ANKRD33B: variants seen among roughly 807,000 people sequenced by gnomAD.
ANKRD33B encodes the protein ankyrin repeat domain-containing protein 33B.
Under a neutral mutation model 21.5 loss-of-function variants are expected in ANKRD33B, and 6 were observed. The ratio of observed to expected loss-of-function variants is 0.28; its 90% CI spans 0.15 to 0.55. The LOEUF (loss-of-function observed/expected upper bound fraction) is 0.55. ANKRD33B is among the 20% of genes least tolerant of loss of function. The pLI is 0.94. For synonymous variants in ANKRD33B, 347 were observed against 342.4 expected, an observed-to-expected ratio of 1.01 and a Z score of -0.15; for missense variants, 698 against 747.2, an observed-to-expected ratio of 0.93 and a Z score of 0.77.
chr5:10,649,477 C>T lies in ANKRD33B; in HGVS notation c.849C>T (p.Leu283=). ...PAGSKNCLQR[L]TDCVLSVLTP... Reference sequence around the variant, plus strand: ...GCTCCAAGAACTGCCTGCAGAGGCTCACAGACTGCGTGCTGTCCGTGCTGA... The same window carrying T: ...GCTCCAAGAACTGCCTGCAGAGGCTTACAGACTGCGTGCTGTCCGTGCTGA... Residue 283 remains leucine (L), a synonymous_variant, in exon 4 of 4, where the codon CTC becomes CTT. Transcript: ENST00000296657. 6.5e-7 allele frequency: 1 copy of T among 1,535,312 alleles called. No homozygotes were observed. Among genetic ancestry groups the T allele is most frequent in the Non-Finnish European group, 8.7e-7 (1 of 1,146,440 alleles).
chr5:10,570,903 CTTTTT>C (rs11301499), intron 1 of ANKRD33B, among the ~76,000 whole-genome samples: 107 of 126,828 alleles, frequency 8.4e-4, no homozygotes, highest in African/African-American at 2.9e-3. Flanking sequence ...CTCAAATAAC[CTTTTT>C]TTTTTTTTTT....
Position 10,649,575 on chromosome 5 carries a change from A to G in ANKRD33B, c.947A>G (p.Tyr316Cys), listed in dbSNP as rs1238484438. ...DHMVRMTTSL[Y>C]SPAVAIVCQT... Reference sequence around the variant, plus strand: ...ATGGTCCGGATGACCACGAGCCTCTACAGCCCCGCCGTGGCCATCGTGTGC... The same window carrying G: ...ATGGTCCGGATGACCACGAGCCTCTGCAGCCCCGCCGTGGCCATCGTGTGC... The change falls in exon 4 of 4, where the codon TAC (tyrosine) becomes TGC (cysteine). Residue 316 changes from tyrosine (Y) to cysteine (C), a missense_variant. Around this residue, in one of 3 missense-constraint regions of ANKRD33B, gnomAD observed 543 missense variants for 566.5 expected, o/e 0.96. Transcript: ENST00000296657. 8 of 1,527,412 alleles carry G rather than the reference A, an allele frequency of 5.2e-6. No individual in the cohort carries two copies. Among genetic ancestry groups the G allele is most frequent in the Non-Finnish European group, 7.0e-6 (8 of 1,141,976 alleles). 94.6% of individuals were successfully genotyped at this position (1,527,412 alleles called of 1,614,324 possible).
chr5:10,627,680 C>T (rs1010559899), intron 2 of ANKRD33B, among the ~76,000 whole-genome samples: 4 of 152,234 alleles, frequency 2.6e-5, no homozygotes, highest in Non-Finnish European at 4.4e-5. Flanking sequence ...CACACGATCA[C>T]GATCTTAGTG....
In ANKRD33B at chr5:10,619,232, G is replaced by C; in HGVS notation, c.496+770G>C. The C allele has an allele frequency of 1.1e-6, 1 of 910,872 alleles. No homozygotes were observed. Among genetic ancestry groups the C allele is most frequent in the Non-Finnish European group, 1.3e-6 (1 of 762,222 alleles). The allele number at this position is 910,872 out of a possible 1,614,324, so 56.4% of individuals were successfully genotyped here. A position where few individuals can be genotyped will look rare whatever the true frequency, so the allele number is the denominator to read the frequency against. ...GTCTGTTTCATCGGTCAAGTTCTCA[G>C]TTGCAAGCAAAGAAGCTGCCTGCAG... is the stretch of plus-strand genomic sequence containing the variant. On this transcript the variant is annotated intron_variant, in intron 2 of 3. Coordinates refer to ENST00000296657, the MANE Select transcript of ANKRD33B (RefSeq NM_001164440.2). This position sits in a 1 kb window ranked among gnomAD's most constrained non-coding sequence, Gnocchi z 4.5.
chr5:10,628,235 C>G (rs1260544616), intron 2 of ANKRD33B: 1 of 151,862 alleles, frequency 6.6e-6, no homozygotes, highest in African/African-American at 2.4e-5. Flanking sequence ...GGCTGGAGTG[C>G]AATGATGTGA....
At position 10,576,684 on chromosome 5, in the gene ANKRD33B, A is replaced by G. The variant is rs1735328087; in HGVS notation, c.366+11851A>G. On this transcript the variant is annotated intron_variant, in intron 1 of 3. Transcript: ENST00000296657. The surrounding 1 kb of genome is among the most constrained non-coding windows in gnomAD (Gnocchi z 4.1). ...ACAGAGCTGTTGTTTCTATGGGCGA[A>G]TGAATCTCCAGATGGTTTTCCAGTA... Among the ~76,000 whole-genome samples the G allele has an allele frequency of 6.6e-6, 1 of 152,248 alleles. No individual in the cohort carries two copies. The highest frequency in any genetic ancestry group is 2.4e-5 in the African/African-American group (1 of 41,472).
At chr5:10,586,657 A>G (rs1390807546) in intron 1 of ANKRD33B, among the ~76,000 whole-genome samples, 1 of 152,152 alleles carries the variant, frequency 6.6e-6, no homozygotes, top group African/African-American at 2.4e-5. Flanking sequence ...TTAATGCGCA[A>G]TTTAGGAAAT....
intron 2 of ANKRD33B, among the ~76,000 whole-genome samples, chr5:10,621,429 C>T (rs934945830): frequency 6.6e-6 from 1 of 152,230 alleles, no homozygotes; most frequent in African/African-American, 2.4e-5. Flanking sequence ...TATTCCTCCT[C>T]TTCACCCTTT....
rs1737383994 is a variant in ANKRD33B at position 10,652,513 on chromosome 5, TCCA to T, written c.*2404_*2406del. The T allele has an allele frequency of 6.6e-6, 1 of 152,498 alleles. No homozygotes were observed. The highest frequency in any genetic ancestry group is 2.4e-5 in the African/African-American group (1 of 41,462). 9.4% of individuals were successfully genotyped at this position (152,498 alleles called of 1,614,324 possible). A position where few individuals can be genotyped will look rare whatever the true frequency, so the allele number is the denominator to read the frequency against. ...GGGTTGCCAGACATTCCTGCCTGTTTCCACCATGGGAAGCTGTCACTGGGAATG... is the reference window on the plus strand; with the variant it reads ...GGGTTGCCAGACATTCCTGCCTGTTTCCATGGGAAGCTGTCACTGGGAATG... On this transcript the variant is annotated 3_prime_UTR_variant, in exon 4 of 4. Coordinates refer to ENST00000296657, the MANE Select transcript of ANKRD33B (RefSeq NM_001164440.2). The surrounding 1 kb of genome is among the most constrained non-coding windows in gnomAD (Gnocchi z 4.1).
intron 1 of ANKRD33B, among the ~76,000 whole-genome samples, chr5:10,599,984 CCAAA>C (rs564852597): frequency 6.6e-6 from 1 of 152,214 alleles, no homozygotes; most frequent in Non-Finnish European, 1.5e-5. Flanking sequence ...CACATCCTTA[CCAAA>C]CAAACACTTG....
intron 2 of ANKRD33B, among the ~76,000 whole-genome samples, chr5:10,634,406 A>G (rs1038850587): frequency 9.2e-5 from 14 of 151,744 alleles, no homozygotes; most frequent in African/African-American, 2.9e-4. Context: ...TGAGGATTTC[A>G]GGAACCAAGT....
intron 3 of ANKRD33B, among the ~76,000 whole-genome samples, chr5:10,641,225 CTTTT>C (rs772445527): frequency 1.3e-5 from 1 of 77,448 alleles, no homozygotes; most frequent in African/African-American, 4.3e-5. Context: ...TCTTCTTCTT[CTTTT>C]TTTTTTTTTT....
intron 1 of ANKRD33B, among the ~76,000 whole-genome samples, chr5:10,569,936 G>A (rs2126543280): frequency 6.6e-6 from 1 of 152,318 alleles, no homozygotes; most frequent in Admixed American, 6.5e-5. Context: ...GAGTGCAGTG[G>A]TGTGATATCA....
In ANKRD33B at chr5:10,657,363, G is replaced by A. The variant is rs1737514936; in HGVS notation, c.*7250G>A. On this transcript the variant is annotated 3_prime_UTR_variant, in exon 4 of 4. Coordinates refer to ENST00000296657, the MANE Select transcript of ANKRD33B (RefSeq NM_001164440.2). Reference sequence around the variant, plus strand: ...CGTTCTAAGGATTGAACAGATTCCTGCACAGGGTGCCAGGTTTCAAGTTAG... The same window carrying A: ...CGTTCTAAGGATTGAACAGATTCCTACACAGGGTGCCAGGTTTCAAGTTAG... 6.6e-6 allele frequency: 1 copy of A among 152,352 alleles called. No homozygotes were observed. The allele number at this position is 152,352 out of a possible 1,614,324, so 9.4% of individuals were successfully genotyped here. A position where few individuals can be genotyped will look rare whatever the true frequency, so the allele number is the denominator to read the frequency against.
At position 10,603,897 on chromosome 5, in the gene ANKRD33B, T is replaced by C. The variant is rs975362805; in HGVS notation, c.367-14436T>C. 4.1e-4 allele frequency among the ~76,000 whole-genome samples: 51 copies of C among 123,164 alleles called. 1 individual carries two copies. Among genetic ancestry groups the C allele is most frequent in the Admixed American group, 1.1e-3 (14 of 12,756 alleles). 80.8% of individuals were successfully genotyped at this position (123,164 alleles called of 152,430 possible). A position where few individuals can be genotyped will look rare whatever the true frequency, so the allele number is the denominator to read the frequency against. On this transcript the variant is annotated intron_variant, in intron 1 of 3. Transcript: ENST00000296657. ...TTTAAAATAATTTCAAAAGGAGAAC[T>C]TTTTTTTTTTTTTTGAGATGGAGTT...
intron 1 of ANKRD33B, among the ~76,000 whole-genome samples, chr5:10,608,411 G>A (rs372292076): frequency 5.3e-5 from 8 of 151,706 alleles, no homozygotes; most frequent in African/African-American, 1.4e-4. Context: ...AGCAAGGAAG[G>A]TTTCTTCCCT....
At chr5:10,572,895 G>A (rs952376727) in intron 1 of ANKRD33B, among the ~76,000 whole-genome samples, 1 of 152,222 alleles carries the variant, frequency 6.6e-6, no homozygotes, top group African/African-American at 2.4e-5. Flanking sequence ...ACAGAGGCCA[G>A]AGAGAAATGC....
intron 1 of ANKRD33B, among the ~76,000 whole-genome samples, chr5:10,583,031 C>G (rs1283058237): frequency 6.8e-6 from 1 of 147,766 alleles, no homozygotes; most frequent in Non-Finnish European, 1.5e-5. Flanking sequence ...GAATCTTGCT[C>G]TGTCGCCCAG....
rs940971851 is a variant in ANKRD33B at position 10,656,012 on chromosome 5, T to C, written c.*5899T>C. 9.8e-5 allele frequency: 15 copies of C among 152,292 alleles called. No homozygotes were observed. The highest frequency in any genetic ancestry group is 2.2e-4 in the African/African-American group (9 of 41,436). The allele number at this position is 152,292 out of a possible 1,614,324, so 9.4% of individuals were successfully genotyped here. A position where few individuals can be genotyped will look rare whatever the true frequency, so the allele number is the denominator to read the frequency against. On this transcript the variant is annotated 3_prime_UTR_variant, in exon 4 of 4. Coordinates refer to ENST00000296657, the MANE Select transcript of ANKRD33B (RefSeq NM_001164440.2). ...GGGATGAATGCCATTGCAGCGGTCA[T>C]GCTGGGAGCTGCCGAGAGCTTACAA... is the stretch of plus-strand genomic sequence containing the variant.
Sources: gnomAD v4.1 joint callset for allele counts (sites outside exome capture counted in the v4.1 genomes callset) on GRCh38, gnomAD v4.1.1 for gene constraint, gnomAD v4.1.1 regional missense constraint, Gnocchi (gnomAD v3.1) non-coding constraint, MANE v1.5 for transcripts, NCBI Gene and HGNC (gene_info 2026-07-23, HGNC 2026-07-21) for gene names.